DAB2IP: variants seen among roughly 807,000 people sequenced by gnomAD.
DAB2IP encodes the protein DAB2 interacting protein.
DAB2IP carries 28 observed loss-of-function variants against 107.2 expected under a neutral mutation model. The ratio of observed to expected loss-of-function variants is 0.26; its 90% CI spans 0.19 to 0.36. The LOEUF (loss-of-function observed/expected upper bound fraction) is 0.36. Among genes scored for constraint, DAB2IP ranks in the 10% least tolerant of loss-of-function variants. The pLI, the probability that DAB2IP is intolerant of heterozygous loss-of-function variation, is 1.00. For synonymous variants in DAB2IP, 755 were observed against 706.4 expected (o/e 1.07, Z -1.09); for missense variants, 1,400 against 1,644.7 (o/e 0.85, Z 2.57).
At chr9:121,784,492 G>A (rs1393805859) in exon 16 of DAB2IP, 1 of 153,646 alleles carries the variant, frequency 6.5e-6, no homozygotes, top group East Asian at 1.9e-4. Context: ...AGCTGCCCTT[G>A]CAGGGTGGGT....
intron 1 of DAB2IP, among the ~76,000 whole-genome samples, chr9:121,628,937 AC>A (rs1831770401): frequency 1.3e-5 from 2 of 152,306 alleles, no homozygotes; most frequent in Admixed American, 1.3e-4. Flanking sequence ...GGCAAGTGGG[AC>A]GGTGGCTTGA....
exon 16 of DAB2IP, chr9:121,784,390 G>C (rs1835862933): frequency 6.5e-6 from 1 of 153,092 alleles, no homozygotes. Flanking sequence ...CTGCCTCGTA[G>C]AGTGACCTCG....
intron 14 of DAB2IP, among the ~76,000 whole-genome samples, chr9:121,777,171 G>A (rs1367500002): frequency 2.6e-5 from 4 of 152,228 alleles, no homozygotes; most frequent in Middle Eastern, 3.4e-3. Flanking sequence ...TACCAGGCAC[G>A]GGAGGAGAGA....
intron 1 of DAB2IP, among the ~76,000 whole-genome samples, chr9:121,572,460 T>C (rs1007456862): frequency 2.6e-5 from 4 of 152,200 alleles, no homozygotes; most frequent in Non-Finnish European, 5.9e-5. Context: ...ATGAGTGGCA[T>C]GAGCTGGATC....
At chr9:121,724,519 C>T (rs573191220) in intron 3 of DAB2IP, among the ~76,000 whole-genome samples, 12 of 152,200 alleles carry the variant, frequency 7.9e-5, no homozygotes, top group Admixed American at 3.9e-4. Flanking sequence ...TTACATACTT[C>T]GTGTACTTTT....
exon 13 of DAB2IP, chr9:121,774,376 G>T (rs1320010288): frequency 6.2e-7 from 1 of 1,612,822 alleles, no homozygotes; most frequent in Non-Finnish European, 8.5e-7. Context: ...ACAGGGATAG[G>T]CTAAGGAGTA....
At chr9:121,626,034 C>A (rs1831633710) in intron 1 of DAB2IP, among the ~76,000 whole-genome samples, 1 of 152,148 alleles carries the variant, frequency 6.6e-6, no homozygotes, top group Non-Finnish European at 1.5e-5. Flanking sequence ...AGGGCTGGGG[C>A]ACACGTGGGG....
intron 3 of DAB2IP, among the ~76,000 whole-genome samples, chr9:121,732,580 G>A (rs913452371): frequency 6.6e-6 from 1 of 152,116 alleles, no homozygotes; most frequent in African/African-American, 2.4e-5. Flanking sequence ...GAGGCTGTGG[G>A]CTGATGACAT....
chr9:121,644,458 G>C (rs1193787647), intron 1 of DAB2IP, among the ~76,000 whole-genome samples: 1 of 151,904 alleles, frequency 6.6e-6, no homozygotes, highest in African/African-American at 2.4e-5. Flanking sequence ...TTAGCCAGGC[G>C]TGGTGACACA....
intron 1 of DAB2IP, among the ~76,000 whole-genome samples, chr9:121,578,550 A>G (rs1830117157): frequency 6.6e-6 from 1 of 151,284 alleles, no homozygotes; most frequent in East Asian, 2.0e-4. Flanking sequence ...TCCCTCCGTC[A>G]ATTCCCCAGC....
At chr9:121,714,759 A>T (rs772963396) in intron 3 of DAB2IP, among the ~76,000 whole-genome samples, 3 of 152,208 alleles carry the variant, frequency 2.0e-5, no homozygotes, top group Non-Finnish European at 4.4e-5. Context: ...CAATTAAGGC[A>T]TGTGTCCTGA....
chr9:121,578,687 C>T (rs1183662093), intron 1 of DAB2IP, among the ~76,000 whole-genome samples: 2 of 149,588 alleles, frequency 1.3e-5, no homozygotes, highest in African/African-American at 2.5e-5. Flanking sequence ...TCTCTCCCAT[C>T]CCATCCTCAC....
intron 3 of DAB2IP, among the ~76,000 whole-genome samples, chr9:121,721,615 A>G (rs1338195296): frequency 6.6e-6 from 1 of 152,250 alleles, no homozygotes; most frequent in Non-Finnish European, 1.5e-5. Context: ...AGAGAAGCCA[A>G]AAATCTAGAG....
intron 1 of DAB2IP, among the ~76,000 whole-genome samples, chr9:121,585,432 G>A (rs1420268013): frequency 6.6e-6 from 1 of 152,202 alleles, no homozygotes; most frequent in Non-Finnish European, 1.5e-5. Context: ...CTCACAGGAT[G>A]TAATGAGTTG....
At chr9:121,646,145 G>T (rs929807053) in intron 1 of DAB2IP, among the ~76,000 whole-genome samples, 1 of 152,158 alleles carries the variant, frequency 6.6e-6, no homozygotes, top group Non-Finnish European at 1.5e-5. Context: ...GTTGAGAGGG[G>T]CAGAGCCATC....
upstream of DAB2IP, among the ~76,000 whole-genome samples, chr9:121,646,764 C>T: frequency 6.6e-6 from 1 of 152,040 alleles, no homozygotes; most frequent in Non-Finnish European, 1.5e-5. Context: ...ACAAAGCTGG[C>T]TATTAAAGAA....
At chr9:121,767,427 C>G (rs1351362075) in intron 9 of DAB2IP, among the ~76,000 whole-genome samples, 1 of 152,200 alleles carries the variant, frequency 6.6e-6, no homozygotes, top group Non-Finnish European at 1.5e-5. Context: ...TAGGAGGGCT[C>G]TCAGCTTGTT....
intron 1 of DAB2IP, among the ~76,000 whole-genome samples, chr9:121,598,881 C>T (rs530884291): frequency 1.3e-5 from 2 of 152,356 alleles, no homozygotes; most frequent in South Asian, 4.1e-4. Context: ...GGAAATGGGT[C>T]AATAAGATAG....
chr9:121,568,502 G>A (rs1042833216), intron 1 of DAB2IP, among the ~76,000 whole-genome samples: 5 of 152,210 alleles, frequency 3.3e-5, no homozygotes, highest in African/African-American at 1.2e-4. Flanking sequence ...TACAAAGGGA[G>A]GAGAGAGGGA....
Sources: gnomAD v4.1 joint callset for allele counts (sites outside exome capture counted in the v4.1 genomes callset) on GRCh38, gnomAD v4.1.1 for gene constraint, MANE v1.5 for transcripts, NCBI Gene and HGNC (gene_info 2026-07-23, HGNC 2026-07-21) for gene names.